Variants in FBXL6 observed in about 807,000 individuals in gnomAD.
FBXL6 encodes F-box and leucine rich repeat protein 6.
In FBXL6, 50 loss-of-function variants were observed where a neutral mutation model predicts 53.3. The ratio of observed to expected loss-of-function variants is 0.94; its 90% CI spans 0.75 to 1.19. The LOEUF (loss-of-function observed/expected upper bound fraction) is 1.19. FBXL6 is among the 50% of genes most tolerant of loss of function. FBXL6 has a pLI of 0.00. For synonymous variants in FBXL6, 405 were observed against 322.9 expected (o/e 1.25, Z -2.73); for missense variants, 815 against 719.0 (o/e 1.13, Z -1.53).
At position 144,358,371 on chromosome 8, in the gene FBXL6, C is replaced by G. The variant is rs1818572751; in HGVS notation, c.77G>C (p.Trp26Ser). ...APRPRSAEDW[W>S]WDRLAPRGSG... Reference sequence around the variant, plus strand: ...GCCCCTCGGCGCCAGCCGGTCCCACCACCAGTCCTCGGCCGAGCGGGGCCG... The same window carrying G: ...GCCCCTCGGCGCCAGCCGGTCCCACGACCAGTCCTCGGCCGAGCGGGGCCG... The change falls in exon 1 of 9, where the codon TGG becomes TCG. Residue 26 changes from tryptophan (W) to serine (S), a missense_variant. By Grantham distance (177) the Trp-to-Ser change is radical. Coordinates refer to ENST00000331890, the MANE Select transcript of FBXL6 (RefSeq NM_012162.4). 2 of 1,268,592 alleles carry G rather than the reference C, an allele frequency of 1.6e-6. No homozygotes were observed. The highest frequency in any genetic ancestry group is 3.0e-5 in the African/African-American group (2 of 66,038). The allele number at this position is 1,268,592 out of a possible 1,614,324, so 78.6% of individuals were successfully genotyped here.
At position 144,356,549 on chromosome 8, in the gene FBXL6, G is replaced by T; in HGVS notation, c.994-18C>A. ...CGCAGCACCTGGGGGCAAGGTCCAG[G>T]CTGTAGATGGGGGAGGGTGTGACAG... On this transcript the variant is annotated intron_variant, in intron 6 of 8. Transcript: ENST00000331890. The T allele has an allele frequency of 6.2e-7, 1 of 1,612,778 alleles. No homozygotes were observed. The highest frequency in any genetic ancestry group is 2.2e-5 in the East Asian group (1 of 44,892).
At position 144,358,096 on chromosome 8, in the gene FBXL6, C is replaced by T. The variant is rs1818554450; in HGVS notation, c.352G>A (p.Glu118Lys). The T allele has an allele frequency of 9.4e-6, 15 of 1,598,068 alleles. No homozygotes were observed. Among genetic ancestry groups the T allele is most frequent in the Non-Finnish European group, 1.1e-5 (13 of 1,175,370 alleles). The change falls in exon 1 of 9, where the codon GAA becomes AAA. Residue 118 changes from glutamate (E) to lysine (K), a missense_variant. Physicochemically the swap from Glu to Lys is moderately conservative, Grantham distance 56. Transcript: ENST00000331890. Reference protein sequence around the residue: ...DAGWGDRIPLEILVQIFGLLV... With the variant: ...DAGWGDRIPLKILVQIFGLLV... ...AACCCGAAAATCTGCACCAGGATTTCCAAGGGAATGCGGTCTCCCCAGCCC... is the reference window on the plus strand; with the variant it reads ...AACCCGAAAATCTGCACCAGGATTTTCAAGGGAATGCGGTCTCCCCAGCCC...
chr8:144,356,763 T>TC, intron 5 of FBXL6, 45 bp downstream of exon 5: 1 of 1,611,208 alleles, frequency 6.2e-7, no homozygotes, highest in South Asian at 1.1e-5. Flanking sequence ...GGCCTGGCAG[T>TC]CCCCAGCTCA....
At position 144,358,053 on chromosome 8, in the gene FBXL6, C is replaced by T. The variant is rs782239102; in HGVS notation, c.395G>A (p.Gly132Asp). Residue 132 changes from glycine (G) to aspartate (D), a missense_variant, in exon 1 of 9, where the codon GGC becomes GAC. By Grantham distance (94) the Gly-to-Asp change is moderately conservative. Coordinates refer to ENST00000331890, the MANE Select transcript of FBXL6 (RefSeq NM_012162.4). ...TTACCTGCCCAGGAAGGGCATGGGGCCGTCCGCCGCCACCAACAACCCGAA... is the reference window on the plus strand; with the variant it reads ...TTACCTGCCCAGGAAGGGCATGGGGTCGTCCGCCGCCACCAACAACCCGAA... ...QIFGLLVAAD[G>D]PMPFLGRAAR... 6.3e-7 allele frequency: 1 copy of T among 1,597,246 alleles called. No homozygotes were observed. Among genetic ancestry groups the T allele is most frequent in the East Asian group, 2.3e-5 (1 of 43,114 alleles).
chr8:144,357,647 C>G lies in FBXL6; in HGVS notation c.556G>C (p.Glu186Gln), dbSNP rs1226122065. The change falls in exon 2 of 9, where the codon GAG (glutamate) becomes CAG (glutamine). Residue 186 changes from glutamate (E) to glutamine (Q), a missense_variant. Physicochemically the swap from Glu to Gln is conservative, Grantham distance 29 (BLOSUM62 2). Transcript: ENST00000331890. ...CCTCACCGATTGGGCATAAGCCACT[C>G]CAGGGAAGCAAGGAGCTTCTTCTCC... Reference protein sequence around the residue: ...KAEKKLLASLEWLMPNRFSQL... With the variant: ...KAEKKLLASLQWLMPNRFSQL... 1 of 1,610,056 alleles carries G rather than the reference C, an allele frequency of 6.2e-7. No homozygotes were observed. The highest frequency in any genetic ancestry group is 1.3e-5 in the African/African-American group (1 of 74,898).
rs782459581 is a variant in FBXL6 at position 144,358,413 on chromosome 8, C to G, written c.35G>C (p.Arg12Thr). 6.4e-6 allele frequency: 8 copies of G among 1,247,066 alleles called. No individual in the cohort carries two copies. The African/African-American group carries it at 9.2e-5, about 14-fold the overall frequency. 77.3% of individuals were successfully genotyped at this position (1,247,066 alleles called of 1,614,324 possible). A position where few individuals can be genotyped will look rare whatever the true frequency, so the allele number is the denominator to read the frequency against. ...GCGGGGCCGCGGCGCTGCCCGGGCT[C>G]TGCGTCGGACCTGCCGGGAGGCTGG... ...AAPASRQVRR[R>T]ARAAPRPRSA... The change falls in exon 1 of 9, where the codon AGA (arginine) becomes ACA (threonine). Residue 12 changes from arginine to threonine, a missense_variant. By Grantham distance (71) the Arg-to-Thr change is moderately conservative. Transcript: ENST00000331890.
rs200430164 is a variant in FBXL6 at position 144,355,705 on chromosome 8, T to C, written c.1473-27A>G. On this transcript the variant is annotated intron_variant, in intron 8 of 8. Transcript: ENST00000331890. ...TGTGGGGAGGGCAGACCACAGGAAG[T>C]TGAGCTGTTGCCTCAGAAGGGCTGG... is the stretch of plus-strand genomic sequence containing the variant. The C allele has an allele frequency of 2.4e-5, 38 of 1,607,702 alleles. No individual in the cohort carries two copies. In the East Asian group the frequency reaches 7.8e-4, roughly 33 times the overall value.
rs2130621273 is a variant in FBXL6 at position 144,357,787 on chromosome 8, C to G, written c.417-1G>C. ...CCAGCGGCGGCACACGCGCGCAGCC[C>G]TGGGAGGACAGCGTGCTGAGGGTGC... On this transcript the variant is annotated splice_acceptor_variant, in intron 1 of 8. Coordinates refer to ENST00000331890, the MANE Select transcript of FBXL6 (RefSeq NM_012162.4). LOFTEE classifies it high-confidence loss of function. 10 of 1,555,944 alleles carry G rather than the reference C, an allele frequency of 6.4e-6. No individual in the cohort carries two copies. In the South Asian group the frequency reaches 1.2e-4, roughly 18 times the overall value.
In FBXL6 at chr8:144,356,795, A is replaced by G; in HGVS notation, c.879+13T>C. The G allele has an allele frequency of 6.2e-7, 1 of 1,613,176 alleles. No individual in the cohort carries two copies. Among genetic ancestry groups the G allele is most frequent in the Non-Finnish European group, 8.5e-7 (1 of 1,179,942 alleles). The stretch of plus-strand genomic sequence containing the variant: ...CTCAGCATCTGCCTCTGCTCCCACC[A>G]ATGCCAACTTACCAGCAGTGCGCCC... On this transcript the variant is annotated intron_variant, in intron 5 of 8. Coordinates refer to ENST00000331890, the MANE Select transcript of FBXL6 (RefSeq NM_012162.4).
chr8:144,356,753 G>A, intron 5 of FBXL6, 40 bp from the exon 6 acceptor site: 1 of 1,611,164 alleles, frequency 6.2e-7, no homozygotes, highest in Non-Finnish European at 8.5e-7. Context: ...CAGGGTCAGT[G>A]GCCTGGCAGT....
In FBXL6 at chr8:144,355,595, T is replaced by C. The variant is rs140699050; in HGVS notation, c.1556A>G (p.Tyr519Cys). 1.4e-4 allele frequency: 228 copies of C among 1,611,188 alleles called. No individual in the cohort carries two copies. Among genetic ancestry groups the C allele is most frequent in the Non-Finnish European group, 1.8e-4 (216 of 1,179,892 alleles). The change falls in exon 9 of 9, where the codon TAC (tyrosine) becomes TGC (cysteine). Residue 519 changes from tyrosine to cysteine, a missense_variant. Tyr to Cys is a radical substitution (Grantham distance 194). Transcript: ENST00000331890. ...CCACTGGACTTCCTCCAGGCCCCGG[T>C]AGGCCCGCTTCAGACCCCGGGGAAG... ...RCLPRGLKRA[Y>C]RGLEEVQWCL... is the part of the protein sequence containing the mutation.
At chr8:144,356,557 T>C (rs782411471) in intron 6 of FBXL6, 26 bp from the exon 7 acceptor site, 10 of 1,612,232 alleles carry the variant, frequency 6.2e-6, no homozygotes, top group Non-Finnish European at 7.6e-6. Flanking sequence ...AGGCTGTAGA[T>C]GGGGGAGGGT....
intron 3 of FBXL6, 93 bp downstream of exon 3, chr8:144,357,346 C>T: frequency 2.9e-6 from 4 of 1,360,960 alleles, no homozygotes; most frequent in East Asian, 2.5e-5. Flanking sequence ...CACGGAGCAG[C>T]GTTGGGCCCC....
chr8:144,355,581 C>T lies in FBXL6; in HGVS notation c.1570G>A (p.Glu524Lys), dbSNP rs782605034. ...GLKRAYRGLE[E>K]VQWCLEQLLT... Reference sequence around the variant, plus strand: ...AGCTGCTCCAGACACCACTGGACTTCCTCCAGGCCCCGGTAGGCCCGCTTC... The same window carrying T: ...AGCTGCTCCAGACACCACTGGACTTTCTCCAGGCCCCGGTAGGCCCGCTTC... The change falls in exon 9 of 9, where the codon GAA becomes AAA. Residue 524 changes from glutamate to lysine, a missense_variant. Glu to Lys is a moderately conservative substitution (Grantham distance 56). Coordinates refer to ENST00000331890, the MANE Select transcript of FBXL6 (RefSeq NM_012162.4). The T allele has an allele frequency of 7.4e-6, 12 of 1,611,316 alleles. No individual in the cohort carries two copies. The highest frequency in any genetic ancestry group is 1.1e-5 in the South Asian group (1 of 91,012).
chr8:144,356,168 C>T lies in FBXL6; in HGVS notation c.1272G>A (p.Leu424=), dbSNP rs1554852717. The T allele has an allele frequency of 2.5e-6, 4 of 1,612,336 alleles. No individual in the cohort carries two copies. The South Asian group carries it at 4.4e-5, about 18-fold the overall frequency. ...AGGGGCTGCCCTCCTTGGCTAGAGT[C>T]AGCCGGTCTGACGTGCCATACAGGC... The part of the protein sequence containing the change: ...HLGLYGTSDR[L]TLAKEGSPFL... Residue 424 remains leucine, a synonymous_variant, in exon 8 of 9, where the codon CTG becomes CTA. Coordinates refer to ENST00000331890, the MANE Select transcript of FBXL6 (RefSeq NM_012162.4).
chr8:144,358,235 C>T lies in FBXL6; in HGVS notation c.213G>A (p.Pro71=), dbSNP rs1382607488. The change falls in exon 1 of 9, where the codon CCG becomes CCA. Residue 71 remains proline, a synonymous_variant. Transcript: ENST00000331890. ...TGGCCGCGGCGCTGGGGCCCCGGGG[C>T]GGCTGCCGGGGAGTGCGGCGGGAAG... ...RRASRRTPRQ[P]PRGPSAAAKP... 9.9e-6 allele frequency: 12 copies of T among 1,209,284 alleles called. No homozygotes were observed. The highest frequency in any genetic ancestry group is 3.4e-5 in the East Asian group (1 of 29,740). 74.9% of individuals were successfully genotyped at this position (1,209,284 alleles called of 1,614,324 possible).
chr8:144,356,191 G>A lies in FBXL6; in HGVS notation c.1249C>T (p.Leu417=), dbSNP rs180866787. The A allele has an allele frequency of 2.1e-6, 3 of 1,460,844 alleles. No individual in the cohort carries two copies. Among genetic ancestry groups the A allele is most frequent in the Non-Finnish European group, 2.7e-6 (3 of 1,102,028 alleles). The allele number at this position is 1,460,844 out of a possible 1,614,324, so 90.5% of individuals were successfully genotyped here. Residue 417 remains leucine (L), a synonymous_variant, in exon 8 of 9, where the codon CTG becomes TTG. Transcript: ENST00000331890. ...CRELEQLHLG[L]YGTSDRLTLA... The stretch of plus-strand genomic sequence containing the variant: ...GTCAGCCGGTCTGACGTGCCATACA[G>A]GCCCAGATGAAGCTGCTCCAGCTCT...
chr8:144,356,176 C>A lies in FBXL6; in HGVS notation c.1264G>T (p.Asp422Tyr). Residue 422 changes from aspartate to tyrosine, a missense_variant, in exon 8 of 9, where the codon GAC becomes TAC. Physicochemically the swap from Asp to Tyr is radical, Grantham distance 160 (BLOSUM62 -3). Coordinates refer to ENST00000331890, the MANE Select transcript of FBXL6 (RefSeq NM_012162.4). ...CCCTCCTTGGCTAGAGTCAGCCGGT[C>A]TGACGTGCCATACAGGCCCAGATGA... ...QLHLGLYGTS[D>Y]RLTLAKEGSP... is the part of the protein sequence containing the mutation. 1 of 1,594,702 alleles carries A rather than the reference C, an allele frequency of 6.3e-7. No individual in the cohort carries two copies. Among genetic ancestry groups the A allele is most frequent in the Non-Finnish European group, 8.5e-7 (1 of 1,172,628 alleles).
intron 8 of FBXL6, 122 bp from the exon 9 acceptor site, chr8:144,355,800 G>T: frequency 6.6e-7 from 1 of 1,520,470 alleles, no homozygotes; most frequent in East Asian, 2.4e-5. Flanking sequence ...CCAAGGCCAA[G>T]CCCAGTTCCC....
Sources: gnomAD v4.1 joint callset for allele counts on GRCh38, gnomAD v4.1.1 for gene constraint, MANE v1.5 for transcripts, NCBI Gene and HGNC (gene_info 2026-07-23, HGNC 2026-07-21) for gene names.